Variants in MATCAP2 observed in about 807,000 individuals in gnomAD.
MATCAP2 encodes microtubule associated tyrosine carboxypeptidase 2.
chr7:36,389,370 T>C, the MATCAP2 span, among the ~76,000 whole-genome samples: 6 of 151,920 alleles, frequency 3.9e-5, no homozygotes, highest in Non-Finnish European at 7.4e-5. Flanking sequence ...AATCCTTTTT[T>C]TTTCTTTTTT....
At chr7:36,381,091 A>G in the MATCAP2 span, among the ~76,000 whole-genome samples, 2 of 152,222 alleles carry the variant, frequency 1.3e-5, no homozygotes, top group East Asian at 3.8e-4. Context: ...AGCTCAAGCT[A>G]TAATATTTTC....
At chr7:36,334,996 G>T in the MATCAP2 span, 2 of 1,527,978 alleles carry the variant, frequency 1.3e-6, no homozygotes, top group South Asian at 1.2e-5. Context: ...CATTTCTTTA[G>T]AGCTAATTCC....
At chr7:36,356,279 C>T in the MATCAP2 span, 179 of 154,702 alleles carry the variant, frequency 1.2e-3, 4 homozygotes, top group Middle Eastern at 0.031. Context: ...CTTTGGGAGG[C>T]CAAGGCGGGC....
At chr7:36,347,216 A>C in the MATCAP2 span, among the ~76,000 whole-genome samples, 1 of 152,204 alleles carries the variant, frequency 6.6e-6, no homozygotes, top group Non-Finnish European at 1.5e-5. Flanking sequence ...AATCTAGAAA[A>C]AAAAGTTTTC....
At chr7:36,340,747 A>G in the MATCAP2 span, among the ~76,000 whole-genome samples, 2 of 152,266 alleles carry the variant, frequency 1.3e-5, no homozygotes, top group African/African-American at 4.8e-5. Flanking sequence ...AGATAGCGAC[A>G]GTAGCTGAAT....
the MATCAP2 span, among the ~76,000 whole-genome samples, chr7:36,363,327 T>C: frequency 2.6e-5 from 4 of 152,348 alleles, no homozygotes; most frequent in Admixed American, 2.0e-4. Context: ...TCTCTCCTTA[T>C]ATCACATACA....
At chr7:36,355,299 A>C in the MATCAP2 span, 7 of 152,222 alleles carry the variant, frequency 4.6e-5, no homozygotes, top group African/African-American at 1.4e-4. Context: ...ATAATCTCCT[A>C]AAGTAGGTAT....
chr7:36,342,159 G>C, the MATCAP2 span, among the ~76,000 whole-genome samples: 3,126 of 150,502 alleles, frequency 0.021, 50 homozygotes, highest in Middle Eastern at 0.052. Flanking sequence ...GTGGAGTATA[G>C]TTTGTAAAAC....
chr7:36,365,261 T>C, the MATCAP2 span, among the ~76,000 whole-genome samples: 5 of 152,340 alleles, frequency 3.3e-5, no homozygotes, highest in East Asian at 9.6e-4. Flanking sequence ...ACAGAATCTA[T>C]ATTTTTCTTC....
the MATCAP2 span, among the ~76,000 whole-genome samples, chr7:36,387,948 G>A: frequency 6.6e-6 from 1 of 151,974 alleles, no homozygotes; most frequent in African/African-American, 2.4e-5. Context: ...AAAAATGGAA[G>A]TATCTTTTTC....
At chr7:36,352,409 A>AAG in the MATCAP2 span, among the ~76,000 whole-genome samples, 1 of 151,516 alleles carries the variant, frequency 6.6e-6, no homozygotes, top group Non-Finnish European at 1.5e-5. Flanking sequence ...AAAAAAAAAA[A>AAG]AAAAAAAAAA....
the MATCAP2 span, chr7:36,333,854 A>G: frequency 6.3e-7 from 1 of 1,594,184 alleles, no homozygotes; most frequent in Non-Finnish European, 8.6e-7. Flanking sequence ...AGGGACACCC[A>G]CCTGGTTGGG....
chr7:36,357,027 C>CT, the MATCAP2 span: 1 of 1,614,168 alleles, frequency 6.2e-7, no homozygotes, highest in Non-Finnish European at 8.5e-7. Context: ...TTTTCTTTCT[C>CT]TAAGTTGGTG....
chr7:36,355,599 G>T, the MATCAP2 span: 1 of 152,128 alleles, frequency 6.6e-6, no homozygotes, highest in Non-Finnish European at 1.5e-5. Context: ...TTACATAATG[G>T]CTTCAAAAGA....
the MATCAP2 span, chr7:36,366,666 T>C: frequency 6.5e-7 from 1 of 1,532,648 alleles, no homozygotes; most frequent in Non-Finnish European, 8.7e-7. Flanking sequence ...GGTCTAATAT[T>C]ACAATCTTTT....
the MATCAP2 span, chr7:36,383,709 T>C: frequency 2.0e-6 from 1 of 509,288 alleles, no homozygotes; most frequent in Non-Finnish European, 3.4e-6. Flanking sequence ...AAATACCTAA[T>C]ATAGATGACA....
chr7:36,335,792 T>TGG, the MATCAP2 span, among the ~76,000 whole-genome samples: 6 of 152,294 alleles, frequency 3.9e-5, no homozygotes, highest in African/African-American at 9.6e-5. Context: ...ACGACTAGGC[T>TGG]GGGTGCAGTG....
chr7:36,357,576 G>T, the MATCAP2 span: 3 of 1,604,600 alleles, frequency 1.9e-6, no homozygotes, highest in East Asian at 2.2e-5. Context: ...TCTTGCTCAG[G>T]CCAGTGAAGC....
chr7:36,367,330 G>A, the MATCAP2 span: 5 of 1,001,726 alleles, frequency 5.0e-6, no homozygotes, highest in Non-Finnish European at 5.9e-6. Context: ...CGGCGAGAGA[G>A]AGTGGGAGGA....
Sources: gnomAD v4.1 joint callset for allele counts (sites outside exome capture counted in the v4.1 genomes callset) on GRCh38, gnomAD v4.1.1 for gene constraint, MANE v1.5 for transcripts, NCBI Gene and HGNC (gene_info 2026-07-23, HGNC 2026-07-21) for gene names.